GLMN: variants seen among roughly 807,000 people sequenced by gnomAD.
GLMN encodes glomulin.
Under a neutral mutation model 87.8 loss-of-function variants are expected in GLMN, and 75 were observed. The observed-to-expected ratio is 0.85, with a 90% CI of 0.71 to 1.04. GLMN has a LOEUF of 1.04. Ranked by LOEUF, GLMN falls within the 50% of genes least tolerant of loss-of-function variation. GLMN has a pLI of 0.00. For missense variants in GLMN, 588 were observed against 658.8 expected (o/e 0.89, Z 1.18); for synonymous variants, 206 against 221.6 (o/e 0.93, Z 0.63).
chr1:92,298,792 C>T (rs1334147790), intron 1 of GLMN, 133 bp downstream of exon 1: 1 of 343,152 alleles, frequency 2.9e-6, no homozygotes, highest in East Asian at 4.3e-5. Flanking sequence ...CCATGTCTTC[C>T]GATTCCTGCT....
chr1:92,248,186 G>A (rs558699815), intron 16 of GLMN, 197 bp from the exon 17 acceptor site: 30 of 520,920 alleles, frequency 5.8e-5, no homozygotes, highest in South Asian at 4.7e-4. Context: ...GGGGCACTAC[G>A]CTTATCACTG....
At chr1:92,275,192 T>C (rs368714016) in intron 7 of GLMN, among the ~76,000 whole-genome samples, 1 of 152,190 alleles carries the variant, frequency 6.6e-6, no homozygotes, top group Admixed American at 6.5e-5. Flanking sequence ...CCTTTACCAG[T>C]TTCCTTAAGC....
chr1:92,352,025 A>G, the GLMN span, among the ~76,000 whole-genome samples: 5 of 152,144 alleles, frequency 3.3e-5, no homozygotes, highest in East Asian at 9.6e-4. Context: ...CTCAGAAAGG[A>G]TAGAGGATAA....
At chr1:92,329,601 G>T in the GLMN span, among the ~76,000 whole-genome samples, 11 of 152,290 alleles carry the variant, frequency 7.2e-5, no homozygotes, top group East Asian at 1.9e-3. Flanking sequence ...TGGAGCAAAA[G>T]TTCATGATGG....
the GLMN span, among the ~76,000 whole-genome samples, chr1:92,327,444 T>G: frequency 1.3e-5 from 2 of 152,242 alleles, no homozygotes. Context: ...TGCTGTTGCT[T>G]TAAAGTTTGT....
chr1:92,370,308 G>T, the GLMN span, among the ~76,000 whole-genome samples: 21 of 152,296 alleles, frequency 1.4e-4, no homozygotes, highest in Admixed American at 3.9e-4. Flanking sequence ...TGATAAGCTA[G>T]AAGTGAGTAT....
rs1652687110 is a variant in GLMN, at chr1:92,246,534, T to G, written c.1781A>C (p.Lys594Thr). Residue 594 changes from lysine to threonine, a missense_variant, in exon 19 of 19, where the codon AAG becomes ACG. Coordinates refer to ENST00000370360, the MANE Select transcript of GLMN (RefSeq NM_053274.3). ...KSTSEENIGI[K>T] ...TTTATTTAGGAAATGGAACTTTCACTTTATCCCAATATTTTCTTCAGAGGT... is the reference window on the plus strand; with the variant it reads ...TTTATTTAGGAAATGGAACTTTCACGTTATCCCAATATTTTCTTCAGAGGT... 1 of 1,279,706 alleles carries G rather than the reference T, an allele frequency of 7.8e-7. No homozygotes were observed. Among genetic ancestry groups the G allele is most frequent in the South Asian group, 1.2e-5 (1 of 84,084 alleles). 79.3% of individuals were successfully genotyped at this position (1,279,706 alleles called of 1,614,324 possible). A position where few individuals can be genotyped will look rare whatever the true frequency, so the allele number is the denominator to read the frequency against.
chr1:92,249,944 T>A (rs1653233492), intron 16 of GLMN, among the ~76,000 whole-genome samples: 1 of 152,142 alleles, frequency 6.6e-6, no homozygotes, highest in Non-Finnish European at 1.5e-5. Flanking sequence ...AATAACAGGC[T>A]TTTATTCCTT....
chr1:92,301,468 A>G, upstream of GLMN: 1 of 1,508,974 alleles, frequency 6.6e-7, no homozygotes. Flanking sequence ...TTCTCTTTCA[A>G]ATTTTAGGAA....
At chr1:92,269,619 T>C in intron 9 of GLMN, 104 bp downstream of exon 9, 1 of 782,348 alleles carries the variant, frequency 1.3e-6, no homozygotes, top group Non-Finnish European at 2.3e-6. Flanking sequence ...AATAACCAAT[T>C]AATTAATTAG....
At chr1:92,279,065 T>C (rs12404806) in intron 7 of GLMN, among the ~76,000 whole-genome samples, 39,530 of 148,306 alleles carry the variant, frequency 0.27, 6,524 homozygotes, top group Non-Finnish European at 0.35. Flanking sequence ...TACAACCTAA[T>C]GATCCAATCA....
chr1:92,250,786 A>G (rs1216859360), intron 16 of GLMN, among the ~76,000 whole-genome samples: 1 of 152,198 alleles, frequency 6.6e-6, no homozygotes, highest in Non-Finnish European at 1.5e-5. Flanking sequence ...CTAATTCACT[A>G]TTGAGCCTAG....
intron 6 of GLMN, 109 bp from the exon 7 acceptor site, chr1:92,286,701 T>C: frequency 1.4e-6 from 1 of 704,244 alleles, no homozygotes; most frequent in South Asian, 1.5e-5. Flanking sequence ...AGCACTGCTA[T>C]GGTTTGAATG....
intron 1 of GLMN, among the ~76,000 whole-genome samples, chr1:92,298,578 C>T (rs1650444830): frequency 6.6e-6 from 1 of 152,128 alleles, no homozygotes; most frequent in Admixed American, 6.5e-5. Context: ...TTGCAGTCCC[C>T]AAAGTGATCA....
the GLMN span, chr1:92,304,452 C>A: frequency 3.6e-6 from 2 of 557,376 alleles, no homozygotes; most frequent in Non-Finnish European, 3.1e-6. Flanking sequence ...AAATAGGATT[C>A]TAAAAGAAAC....
At chr1:92,247,763 C>G in intron 17 of GLMN, 115 bp downstream of exon 17, 1 of 652,030 alleles carries the variant, frequency 1.5e-6, no homozygotes. Flanking sequence ...AATGGCTTAG[C>G]TGTTATGGTC....
At chr1:92,343,128 A>T in the GLMN span, among the ~76,000 whole-genome samples, 2 of 152,184 alleles carry the variant, frequency 1.3e-5, no homozygotes, top group Non-Finnish European at 1.5e-5. Context: ...GCCCTGGGAC[A>T]CTCCAGTATT....
chr1:92,283,676 A>G (rs1000885425), intron 7 of GLMN, among the ~76,000 whole-genome samples: 3 of 152,234 alleles, frequency 2.0e-5, no homozygotes, highest in Admixed American at 1.3e-4. Flanking sequence ...GAGGAAGTCA[A>G]ATTGTCTCTG....
chr1:92,273,907 A>T (rs1656535033), intron 7 of GLMN, among the ~76,000 whole-genome samples: 1 of 152,136 alleles, frequency 6.6e-6, no homozygotes, highest in African/African-American at 2.4e-5. Context: ...TGTACCTGGC[A>T]CCATACAATT....
Sources: allele counts gnomAD v4.1 joint callset (sites outside exome capture counted in the v4.1 genomes callset), GRCh38; gene constraint gnomAD v4.1.1; transcripts MANE v1.5; gene names NCBI Gene and HGNC (gene_info 2026-07-23, HGNC 2026-07-21).